The following SLC9B2 variants were observed in gnomAD, a reference collection of about 807,000 sequenced individuals.
SLC9B2 encodes the protein solute carrier family 9 member B2, also known as sodium/hydrogen exchanger 9B2.
SLC9B2 carries 39 observed loss-of-function variants against 52.2 expected under a neutral mutation model. The observed-to-expected ratio is 0.75, with a 90% confidence interval of 0.58 to 0.98. SLC9B2 has a LOEUF of 0.98. Among genes scored for constraint, SLC9B2 ranks in the 50% least tolerant of loss-of-function variants. SLC9B2 has a pLI of 0.00. For missense variants in SLC9B2, 626 were observed against 637.5 expected (o/e 0.98, Z 0.19); for synonymous variants, 214 against 227.0 (o/e 0.94, Z 0.51).
At chr4:103,033,988 G>A (rs943725016) in intron 9 of SLC9B2, among the ~76,000 whole-genome samples, 2 of 152,030 alleles carry the variant, frequency 1.3e-5, no homozygotes, top group Middle Eastern at 3.2e-3. Flanking sequence ...AAAAGAGCCC[G>A]AATAGCCAAA....
chr4:103,025,681 A>C lies in SLC9B2; in HGVS notation c.*689T>G, dbSNP rs1042235787. ...AACAAAAAAAGGGCTGGATTAGGGC[A>C]CTCCTTAGGGGAAGGTAGACTCACA... On this transcript the variant is annotated 3_prime_UTR_variant, in exon 12 of 12. Coordinates refer to ENST00000394785, the MANE Select transcript of SLC9B2 (RefSeq NM_178833.7). The C allele has an allele frequency of 2.0e-5, 3 of 151,836 alleles. No homozygotes were observed. Among genetic ancestry groups the C allele is most frequent in the African/African-American group, 7.3e-5 (3 of 41,308 alleles). 9.4% of individuals were successfully genotyped at this position (151,836 alleles called of 1,614,324 possible).
At chr4:103,030,573 C>A (rs1173623124) in intron 10 of SLC9B2, among the ~76,000 whole-genome samples, 1 of 151,844 alleles carries the variant, frequency 6.6e-6, no homozygotes, top group Admixed American at 6.6e-5. Flanking sequence ...AATGTAGTGA[C>A]CTCTTTTGAA....
At chr4:103,062,974 G>A (rs866350999) in intron 3 of SLC9B2, among the ~76,000 whole-genome samples, 5 of 152,154 alleles carry the variant, frequency 3.3e-5, no homozygotes, top group South Asian at 2.1e-4. Flanking sequence ...GACAAAAGTC[G>A]TCTTGTAAAC....
At chr4:103,066,846 G>A (rs888451678) in intron 2 of SLC9B2, among the ~76,000 whole-genome samples, 2 of 152,048 alleles carry the variant, frequency 1.3e-5, no homozygotes, top group African/African-American at 2.4e-5. Flanking sequence ...ACAGTCAAAT[G>A]CAACTTTGTT....
intron 1 of SLC9B2, among the ~76,000 whole-genome samples, chr4:103,074,899 T>C (rs1267366354): frequency 6.6e-6 from 1 of 152,170 alleles, no homozygotes; most frequent in Non-Finnish European, 1.5e-5. Flanking sequence ...TGACAAACTG[T>C]CTCCCTCGTT....
rs536109680 is a variant in SLC9B2 at position 103,053,428 on chromosome 4, G to T, written c.443-3046C>A. ...ATGGTAAAATACATATATAATTTTT[G>T]AGAATGATTTCAGTTACCTTAGGAG... On this transcript the variant is annotated intron_variant, in intron 4 of 11. Transcript: ENST00000394785. Among the ~76,000 whole-genome samples, 4 of 152,232 alleles carry T rather than the reference G, an allele frequency of 2.6e-5. No homozygotes were observed. The East Asian group carries it at 7.7e-4, about 29-fold the overall frequency.
chr4:103,059,383 C>T (rs187626230), intron 3 of SLC9B2, among the ~76,000 whole-genome samples: 13 of 152,288 alleles, frequency 8.5e-5, no homozygotes, highest in Admixed American at 4.6e-4. Context: ...CATATTTTAG[C>T]CCTCTGCCTC....
In SLC9B2 at chr4:103,050,641, T is replaced by G. The variant is rs1046285840; in HGVS notation, c.443-259A>C. Among the ~76,000 whole-genome samples the G allele has an allele frequency of 2.0e-5, 3 of 152,318 alleles. No homozygotes were observed. In the East Asian group the frequency reaches 5.8e-4, roughly 29 times the overall value. ...AGGGAGACAAGATGCAGCATTTGGA[T>G]AGAGAGTATGATCAAATTCTAAATA... is the stretch of plus-strand genomic sequence containing the variant. On this transcript the variant is annotated intron_variant, in intron 4 of 11. Coordinates refer to ENST00000394785, the MANE Select transcript of SLC9B2 (RefSeq NM_178833.7).
chr4:103,019,417 C>T (rs1018080358), downstream of SLC9B2, among the ~76,000 whole-genome samples: 7 of 152,090 alleles, frequency 4.6e-5, no homozygotes, highest in African/African-American at 1.2e-4. Flanking sequence ...AAAGGAGTCA[C>T]GGAGAGGAGA....
chr4:103,050,251 G>C lies in SLC9B2; in HGVS notation c.574C>G (p.Leu192Val). 1 of 1,584,712 alleles carries C rather than the reference G, an allele frequency of 6.3e-7. No homozygotes were observed. The highest frequency in any genetic ancestry group is 8.5e-7 in the Non-Finnish European group (1 of 1,169,680). ...TTTACATTTCATACCTTTGAATCCA[G>C]ACCAAGGCCAGCACGAACCAGAATG... ...SIILVRAGLGLDSKALKKLKG... is the reference protein window; with the variant it reads ...SIILVRAGLGVDSKALKKLKG... Residue 192 changes from leucine (L) to valine (V), a missense_variant, in exon 5 of 12, where the codon CTG becomes GTG. Transcript: ENST00000394785.
chr4:103,028,871 G>A lies in SLC9B2; in HGVS notation c.1268C>T (p.Ala423Val). The change falls in exon 11 of 12, where the codon GCC becomes GTC. Residue 423 changes from alanine to valine, a missense_variant. Ala to Val is a moderately conservative substitution (Grantham distance 64). Coordinates refer to ENST00000394785, the MANE Select transcript of SLC9B2 (RefSeq NM_178833.7). Reference sequence around the variant, plus strand: ...TATCAATACTGCAATGCCTACGGTGGCAACACAAAGGCCTGTAAGAAATAT... The same window carrying A: ...TATCAATACTGCAATGCCTACGGTGACAACACAAAGGCCTGTAAGAAATAT... Reference protein sequence around the residue: ...LRPETVGLCVATVGIAVLIRI... With the variant: ...LRPETVGLCVVTVGIAVLIRI... 2 of 1,586,554 alleles carry A rather than the reference G, an allele frequency of 1.3e-6. No homozygotes were observed. The highest frequency in any genetic ancestry group is 8.5e-7 in the Non-Finnish European group (1 of 1,170,642).
At chr4:103,075,458 A>G (rs1186033803) in intron 1 of SLC9B2, among the ~76,000 whole-genome samples, 1 of 152,194 alleles carries the variant, frequency 6.6e-6, no homozygotes, top group African/African-American at 2.4e-5. Context: ...AGTAACAAAG[A>G]TGACTAAGAT....
intron 1 of SLC9B2, among the ~76,000 whole-genome samples, chr4:103,068,160 T>A (rs754890875): frequency 3.3e-5 from 5 of 152,224 alleles, no homozygotes; most frequent in Non-Finnish European, 7.3e-5. Flanking sequence ...ATTCAAAGAT[T>A]ACCAAAACAT....
intron 6 of SLC9B2, chr4:103,048,650 C>T (rs543113684): frequency 2.8e-6 from 1 of 362,944 alleles, no homozygotes; most frequent in Non-Finnish European, 5.1e-6. Flanking sequence ...GGCATTGAAT[C>T]AGGTGTAGGC....
chr4:103,060,391 A>G (rs932299935), intron 3 of SLC9B2, among the ~76,000 whole-genome samples: 1 of 151,820 alleles, frequency 6.6e-6, no homozygotes, highest in Non-Finnish European at 1.5e-5. Context: ...TCTTCTTCAA[A>G]TCTATTCATT....
Position 103,024,407 on chromosome 4 carries a change from C to T in SLC9B2, c.*1963G>A, listed in dbSNP as rs1742034346. Among the ~76,000 whole-genome samples the T allele has an allele frequency of 6.6e-6, 1 of 152,136 alleles. No homozygotes were observed. The highest frequency in any genetic ancestry group is 2.4e-5 in the African/African-American group (1 of 41,430). ...ATCAAGTCCAAATCAAGAGCATAAA[C>T]ATTAAAGGAATACAGCACCATAGGG... On this transcript the variant is annotated 3_prime_UTR_variant, in exon 12 of 12. Transcript: ENST00000394785.
rs1744415672 is a variant in SLC9B2, at chr4:103,048,960, C to T, written c.646G>A (p.Ala216Thr). ...RLSMGPCIVE[A>T]CTSALLAHYL... ...TGGGCAAGAAGAGCAGATGTGCACG[C>T]CTCCACAATACAGGGACCCATGGAC... is the stretch of plus-strand genomic sequence containing the variant. Residue 216 changes from alanine (A) to threonine (T), a missense_variant, in exon 6 of 12, where the codon GCG becomes ACG. Transcript: ENST00000394785. 1 of 1,613,980 alleles carries T rather than the reference C, an allele frequency of 6.2e-7. No homozygotes were observed. The highest frequency in any genetic ancestry group is 8.5e-7 in the Non-Finnish European group (1 of 1,179,906).
intron 5 of SLC9B2, among the ~76,000 whole-genome samples, chr4:103,049,319 G>A (rs1208618376): frequency 4.6e-5 from 7 of 152,130 alleles, no homozygotes; most frequent in Non-Finnish European, 7.4e-5. Context: ...GTGAGTGATG[G>A]GGCCAGGTTT....
At position 103,053,220 on chromosome 4, in the gene SLC9B2, C is replaced by T. The variant is rs565110584; in HGVS notation, c.443-2838G>A. ...GAATCAAAAATGCTCACTCATACTCCGACCCTGGCAATCACTTCAATTAAA... is the reference window on the plus strand; with the variant it reads ...GAATCAAAAATGCTCACTCATACTCTGACCCTGGCAATCACTTCAATTAAA... On this transcript the variant is annotated intron_variant, in intron 4 of 11. Transcript: ENST00000394785. 4.3e-4 allele frequency among the ~76,000 whole-genome samples: 66 copies of T among 152,176 alleles called. 2 individuals carry two copies. In the South Asian group the frequency reaches 0.014, roughly 31 times the overall value.
Sources: allele counts gnomAD v4.1 joint callset (sites outside exome capture counted in the v4.1 genomes callset), GRCh38; gene constraint gnomAD v4.1.1; transcripts MANE v1.5; gene names NCBI Gene and HGNC (gene_info 2026-07-23, HGNC 2026-07-21).